Variants in CLYBL observed in about 807,000 individuals in gnomAD.
CLYBL encodes citramalyl-CoA lyase, also known as citramalyl-CoA lyase, mitochondrial.
A neutral mutation model predicts 38.9 loss-of-function variants in CLYBL; 31 were observed. The observed-to-expected ratio is 0.80, with a 90% confidence interval of 0.60 to 1.08. The LOEUF (loss-of-function observed/expected upper bound fraction) is 1.08. CLYBL is among the 50% of genes least tolerant of loss of function. The probability of loss-of-function intolerance (pLI) is 0.00; values close to 1 mark genes in which losing one functional copy is unlikely to be tolerated. For missense variants in CLYBL, 434 were observed against 411.6 expected (o/e 1.05, Z -0.47); for synonymous variants, 171 against 158.6 (o/e 1.08, Z -0.59).
At chr13:99,707,385 T>A (rs2048162568) in intron 1 of CLYBL, among the ~76,000 whole-genome samples, 1 of 152,124 alleles carries the variant, frequency 6.6e-6, no homozygotes, top group Admixed American at 6.6e-5. Context: ...TTCTCCTGCC[T>A]CAGCCTCCCA....
At chr13:99,834,572 C>T (rs758993378) in intron 2 of CLYBL, among the ~76,000 whole-genome samples, 29 of 152,218 alleles carry the variant, frequency 1.9e-4, no homozygotes, top group Non-Finnish European at 3.5e-4. Context: ...CAGGGTGATG[C>T]ACCCAGTGGC....
At chr13:99,701,363 T>G (rs2048062372) in intron 1 of CLYBL, among the ~76,000 whole-genome samples, 1 of 152,090 alleles carries the variant, frequency 6.6e-6, no homozygotes. Context: ...CAGGCTGGAG[T>G]GCAGTGGCGG....
chr13:99,834,399 G>A (rs1277515125), intron 2 of CLYBL, among the ~76,000 whole-genome samples: 3 of 152,154 alleles, frequency 2.0e-5, no homozygotes, highest in African/African-American at 7.2e-5. Context: ...GGGGGCTTAT[G>A]AGAGAAGGAA....
At chr13:99,623,958 C>CAAAAAAA (rs754256330) in intron 1 of CLYBL, among the ~76,000 whole-genome samples, 1 of 64,220 alleles carries the variant, frequency 1.6e-5, no homozygotes, top group Non-Finnish European at 3.4e-5. Context: ...GACTCCATCT[C>CAAAAAAA]AAAAAAAAAA....
intron 2 of CLYBL, among the ~76,000 whole-genome samples, chr13:99,847,384 C>T (rs562448457): frequency 2.0e-5 from 3 of 152,312 alleles, no homozygotes; most frequent in African/African-American, 7.2e-5. Flanking sequence ...CAGACTGAGA[C>T]CCAGCAGGAG....
At chr13:99,710,734 G>A (rs1350657413) in intron 1 of CLYBL, among the ~76,000 whole-genome samples, 3 of 152,010 alleles carry the variant, frequency 2.0e-5, no homozygotes. Flanking sequence ...TTTTGACTCT[G>A]TCCCTTTGTG....
At chr13:99,679,111 G>T (rs1339576051) in intron 1 of CLYBL, among the ~76,000 whole-genome samples, 1 of 151,972 alleles carries the variant, frequency 6.6e-6, no homozygotes, top group East Asian at 1.9e-4. Flanking sequence ...TGGCTAACAC[G>T]GTGAAACCCT....
At chr13:99,707,523 C>T (rs1447936154) in intron 1 of CLYBL, among the ~76,000 whole-genome samples, 4 of 152,130 alleles carry the variant, frequency 2.6e-5, no homozygotes, top group African/African-American at 4.8e-5. Flanking sequence ...CTGCCCCCCT[C>T]GGCCTCCCAA....
intron 1 of CLYBL, among the ~76,000 whole-genome samples, chr13:99,655,594 C>T (rs7323206): frequency 6.6e-4 from 101 of 152,294 alleles, no homozygotes; most frequent in African/African-American, 2.2e-3. Flanking sequence ...GGGTGGCGTC[C>T]TCTTTCATCC....
chr13:99,770,209 G>A (rs376707898), intron 1 of CLYBL, among the ~76,000 whole-genome samples: 1 of 149,812 alleles, frequency 6.7e-6, no homozygotes, highest in African/African-American at 2.5e-5. Context: ...CTACTCAGCC[G>A]CCCAAGTAGC....
At chr13:99,637,657 C>T (rs2047038204) in intron 1 of CLYBL, among the ~76,000 whole-genome samples, 1 of 152,138 alleles carries the variant, frequency 6.6e-6, no homozygotes. Context: ...ACTTGGGAGG[C>T]TGAGGGAGGA....
chr13:99,841,730 C>T (rs1004188369), intron 2 of CLYBL, among the ~76,000 whole-genome samples: 6 of 151,942 alleles, frequency 3.9e-5, no homozygotes, highest in East Asian at 1.9e-4. Flanking sequence ...TACGTGACAA[C>T]GTGGGAACCT....
chr13:99,845,487 C>T (rs1229756876), intron 2 of CLYBL, among the ~76,000 whole-genome samples: 2 of 152,142 alleles, frequency 1.3e-5, no homozygotes, highest in Non-Finnish European at 2.9e-5. Flanking sequence ...AATGAAGCTG[C>T]GGAAAAAGTC....
chr13:99,713,099 T>G (rs1379514024), intron 1 of CLYBL, among the ~76,000 whole-genome samples: 1 of 152,204 alleles, frequency 6.6e-6, no homozygotes, highest in Non-Finnish European at 1.5e-5. Context: ...CTGCCATTGC[T>G]TTAAAATGGT....
chr13:99,635,744 T>C (rs750873647), intron 1 of CLYBL, among the ~76,000 whole-genome samples: 37 of 152,212 alleles, frequency 2.4e-4, no homozygotes, highest in Non-Finnish European at 4.7e-4. Flanking sequence ...TGGACAGATT[T>C]GGTCTCAATT....
At chr13:99,883,474 A>G (rs2052268193) in intron 7 of CLYBL, among the ~76,000 whole-genome samples, 1 of 151,316 alleles carries the variant, frequency 6.6e-6, no homozygotes, top group South Asian at 2.1e-4. Context: ...AGCCGAGATC[A>G]TGCCATTGCA....
At chr13:99,806,077 A>G (rs1158710946) in intron 2 of CLYBL, among the ~76,000 whole-genome samples, 1 of 152,206 alleles carries the variant, frequency 6.6e-6, no homozygotes, top group Non-Finnish European at 1.5e-5. Context: ...AATTTTAGCA[A>G]TAAAGAGTTT....
chr13:99,717,341 GCTAGAA>G (rs1404571186), intron 1 of CLYBL, among the ~76,000 whole-genome samples: 1 of 145,024 alleles, frequency 6.9e-6, no homozygotes, highest in Non-Finnish European at 1.5e-5. Flanking sequence ...CAGGAGAATT[GCTAGAA>G]CCCAGGAGGC....
intron 1 of CLYBL, chr13:99,690,246 G>T (rs1410071318): frequency 6.6e-6 from 1 of 152,166 alleles, no homozygotes; most frequent in African/African-American, 2.4e-5. Context: ...GCAGTACCAG[G>T]CGGGCTCCTT....
Sources: allele counts gnomAD v4.1 joint callset (sites outside exome capture counted in the v4.1 genomes callset), GRCh38; gene constraint gnomAD v4.1.1; transcripts MANE v1.5; gene names NCBI Gene and HGNC (gene_info 2026-07-23, HGNC 2026-07-21).